The following GNA13 variants were observed in gnomAD, a reference collection of about 807,000 sequenced individuals.
GNA13 encodes G protein subunit alpha 13.
A neutral mutation model predicts 33.5 loss-of-function variants in GNA13; 4 were observed. That is an observed-to-expected ratio of 0.12 (90% confidence interval 0.06 to 0.27). The LOEUF (loss-of-function observed/expected upper bound fraction) is 0.27. Among genes scored for constraint, GNA13 ranks in the 10% least tolerant of loss-of-function variants. The probability of loss-of-function intolerance (pLI) is 1.00; values close to 1 mark genes in which losing one functional copy is unlikely to be tolerated. For synonymous variants in GNA13, 176 were observed against 183.8 expected (o/e 0.96, Z 0.34); for missense variants, 319 against 487.2 (o/e 0.65, Z 3.25).
intron 2 of GNA13, among the ~76,000 whole-genome samples, chr17:65,026,697 T>C (rs547628230): frequency 9.2e-5 from 14 of 152,344 alleles, no homozygotes; most frequent in Non-Finnish European, 1.6e-4. Flanking sequence ...AAAATGAGAT[T>C]ACAAGGAAAC....
At chr17:65,017,733 G>A (rs1329987531) in intron 3 of GNA13, among the ~76,000 whole-genome samples, 1 of 152,038 alleles carries the variant, frequency 6.6e-6, no homozygotes, top group African/African-American at 2.4e-5. Context: ...TCCGTGACTC[G>A]ACACAAAGGG....
At position 65,031,896 on chromosome 17, in the gene GNA13, A is replaced by AAGAGAGAG. The variant is rs1292025516; in HGVS notation, c.511-13601_511-13594dup. On this transcript the variant is annotated intron_variant, in intron 2 of 3. Transcript: ENST00000439174. ...AGAGAGAGAGAGAGAGAGAGAGAGA[A>AAGAGAGAG]AGAGAGAGAGAGAGAGAGAGAGAGA... Among the ~76,000 whole-genome samples the AAGAGAGAG allele has an allele frequency of 7.8e-4, 56 of 71,404 alleles. 1 individual carries two copies. Among genetic ancestry groups the AAGAGAGAG allele is most frequent in the South Asian group, 3.0e-3 (4 of 1,352 alleles). The allele number at this position is 71,404 out of a possible 152,430, so 46.8% of individuals were successfully genotyped here. A position where few individuals can be genotyped will look rare whatever the true frequency, so the allele number is the denominator to read the frequency against.
intron 2 of GNA13, among the ~76,000 whole-genome samples, chr17:65,021,929 A>G (rs533274394): frequency 6.6e-6 from 1 of 152,336 alleles, no homozygotes; most frequent in African/African-American, 2.4e-5. Flanking sequence ...TACCACTGAA[A>G]AAGTATATAC....
Position 65,014,671 on chromosome 17 carries a change from C to T in GNA13, c.720G>A (p.Val240=). The T allele has an allele frequency of 6.2e-7, 1 of 1,614,150 alleles. No individual in the cohort carries two copies. Among genetic ancestry groups the T allele is most frequent in the Non-Finnish European group, 8.5e-7 (1 of 1,180,014 alleles). ...AGGAAACAAGGAAAAGTATTGATGT[C>T]ACACTGTCGAAACATTCAAACCAAC... ...RKRWFECFDS[V]TSILFLVSSS... The change falls in exon 4 of 4, where the codon GTG becomes GTA. Residue 240 remains valine (V), a synonymous_variant. Transcript: ENST00000439174. The surrounding 1 kb of genome is among the most constrained non-coding windows in gnomAD (Gnocchi z 5.3).
At chr17:65,043,706 G>C (rs1907545424) in intron 2 of GNA13, among the ~76,000 whole-genome samples, 1 of 152,044 alleles carries the variant, frequency 6.6e-6, no homozygotes, top group Non-Finnish European at 1.5e-5. Flanking sequence ...TGTAGGCCAG[G>C]ACTGATAAAA....
At position 65,029,844 on chromosome 17, in the gene GNA13, C is replaced by T. The variant is rs533441665; in HGVS notation, c.511-11541G>A. Among the ~76,000 whole-genome samples the T allele has an allele frequency of 3.3e-5, 5 of 152,144 alleles. No homozygotes were observed. The South Asian group carries it at 8.3e-4, about 25-fold the overall frequency. Reference sequence around the variant, plus strand: ...ATTTCTACAAATGTCAGAGTTGTCACAAGCATAATACATTGAACGGGAAGG... The same window carrying T: ...ATTTCTACAAATGTCAGAGTTGTCATAAGCATAATACATTGAACGGGAAGG... On this transcript the variant is annotated intron_variant, in intron 2 of 3. Coordinates refer to ENST00000439174, the MANE Select transcript of GNA13 (RefSeq NM_006572.6).
rs574998020 is a variant in GNA13, at chr17:65,009,928, G to A, written c.*4329C>T. ...AACACAAACCAAAGTCACATACCAA[G>A]TAGTATATGACGTTCAGTGATATTC... On this transcript the variant is annotated 3_prime_UTR_variant, in exon 4 of 4. Coordinates refer to ENST00000439174, the MANE Select transcript of GNA13 (RefSeq NM_006572.6). Among the ~76,000 whole-genome samples the A allele has an allele frequency of 6.6e-6, 1 of 152,234 alleles. No homozygotes were observed. Among genetic ancestry groups the A allele is most frequent in the South Asian group, 2.1e-4 (1 of 4,824 alleles).
chr17:65,031,917 AGAGAGTGTGTGT>A (rs1010281946), intron 2 of GNA13, among the ~76,000 whole-genome samples: 3 of 128,182 alleles, frequency 2.3e-5, no homozygotes, highest in African/African-American at 9.6e-5. Context: ...AGAGAGAGAG[AGAGAGTGTGTGT>A]GTGTGTGTGT....
chr17:65,027,600 ACAGTT>A (rs1906840986), intron 2 of GNA13, among the ~76,000 whole-genome samples: 1 of 152,146 alleles, frequency 6.6e-6, no homozygotes, highest in Non-Finnish European at 1.5e-5. Flanking sequence ...GTTCCTGGGG[ACAGTT>A]TTTGCCTTCT....
rs371081033 is a variant in GNA13 at position 65,014,518 on chromosome 17, G to A, written c.873C>T (p.Asn291=). The A allele has an allele frequency of 5.6e-6, 9 of 1,613,624 alleles. No individual in the cohort carries two copies. The African/African-American group carries it at 1.2e-4, about 22-fold the overall frequency. The stretch of plus-strand genomic sequence containing the variant: ...CCTTCTCCTCAAGCAAGTCTGTCTT[G>A]TTTAAGAACAGAATTATGGAGACAT... The part of the protein sequence containing the change: ...FSNVSIILFL[N]KTDLLEEKVQ... The change falls in exon 4 of 4, where the codon AAC becomes AAT. Residue 291 remains asparagine (N), a synonymous_variant. Transcript: ENST00000439174. The surrounding 1 kb of genome is among the most constrained non-coding windows in gnomAD (Gnocchi z 5.3).
rs747705355 is a variant in GNA13 at position 65,053,540 on chromosome 17, T to G, written c.472A>C (p.Ile158Leu). 23 of 1,612,920 alleles carry G rather than the reference T, an allele frequency of 1.4e-5. No homozygotes were observed. Among genetic ancestry groups the G allele is most frequent in the South Asian group, 2.2e-5 (2 of 91,066 alleles). Residue 158 changes from isoleucine to leucine, a missense_variant, in exon 2 of 4, where the codon ATA (isoleucine) becomes CTA (leucine). Around this residue, in one of 4 missense-constraint regions of GNA13, gnomAD observed 136 missense variants for 159.3 expected, o/e 0.85. Coordinates refer to ENST00000439174, the MANE Select transcript of GNA13 (RefSeq NM_006572.6). ...CGACGCCGGTCATAGGCATTCTGTA[T>G]GCCGCTGTCTGCCCATAATGCTCTT... Reference protein sequence around the residue: ...AIRALWADSGIQNAYDRRREF... With the variant: ...AIRALWADSGLQNAYDRRREF...
intron 2 of GNA13, among the ~76,000 whole-genome samples, chr17:65,048,442 G>C (rs1244110641): frequency 2.0e-5 from 3 of 152,184 alleles, no homozygotes; most frequent in African/African-American, 7.2e-5. Flanking sequence ...AGCCAGAGTA[G>C]AGTATTTCAA....
At chr17:65,056,244 G>GCCCCCCCC in intron 1 of GNA13, 67 bp downstream of exon 1, 2 of 1,032,480 alleles carry the variant, frequency 1.9e-6, no homozygotes, top group Non-Finnish European at 2.8e-6. Flanking sequence ...GCGGTGCCCC[G>GCCCCCCCC]CCCCGCACCC....
intron 2 of GNA13, among the ~76,000 whole-genome samples, chr17:65,028,780 A>G (rs2143791969): frequency 6.6e-6 from 1 of 152,204 alleles, no homozygotes; most frequent in Non-Finnish European, 1.5e-5. Context: ...TTTACTCTTC[A>G]GCTCCACACC....
chr17:65,054,019 T>C (rs943103036), intron 1 of GNA13, among the ~76,000 whole-genome samples: 34 of 152,296 alleles, frequency 2.2e-4, no homozygotes, highest in African/African-American at 6.7e-4. Context: ...GGATAGAAGG[T>C]AGTCAAAAAA....
chr17:65,056,501 G>A lies in GNA13; in HGVS notation c.93C>T (p.Ser31=). ...GAGACAGGCATTTGTCGATCTCCTT[G>A]GACTTGCGTTGCTGCTCGGCCTCGC... ...TSGEAEQQRK[S]KEIDKCLSRE... The change falls in exon 1 of 4, where the codon TCC becomes TCT. Residue 31 remains serine (S), a synonymous_variant. Transcript: ENST00000439174. 1.2e-6 allele frequency: 2 copies of A among 1,613,586 alleles called. No homozygotes were observed. The highest frequency in any genetic ancestry group is 1.7e-6 in the Non-Finnish European group (2 of 1,179,848).
chr17:65,038,229 CCT>C (rs1907328932), intron 2 of GNA13, among the ~76,000 whole-genome samples: 1 of 152,042 alleles, frequency 6.6e-6, no homozygotes, highest in South Asian at 2.1e-4. Context: ...ATGATGAAAC[CCT>C]GTCTCTACTA....
chr17:65,035,337 C>A (rs1907201051), intron 2 of GNA13, among the ~76,000 whole-genome samples: 1 of 152,150 alleles, frequency 6.6e-6, no homozygotes, highest in South Asian at 2.1e-4. Context: ...GAGAAAATCA[C>A]CTCCTCCAGG....
chr17:65,051,397 C>T (rs1462657107), intron 2 of GNA13, among the ~76,000 whole-genome samples: 2 of 152,140 alleles, frequency 1.3e-5, no homozygotes, highest in African/African-American at 4.8e-5. Context: ...AGGCAGATCA[C>T]CTGAGGTCAG....
Sources: allele counts gnomAD v4.1 joint callset (sites outside exome capture counted in the v4.1 genomes callset), GRCh38; gene constraint gnomAD v4.1.1; regional missense constraint gnomAD v4.1.1; non-coding constraint Gnocchi (gnomAD v3.1); transcripts MANE v1.5; gene names NCBI Gene and HGNC (gene_info 2026-07-23, HGNC 2026-07-21).